PPFIA2: variants seen among roughly 807,000 people sequenced by gnomAD.
The protein encoded by PPFIA2 is PPFI scaffold protein A2.
Under a neutral mutation model 175.5 loss-of-function variants are expected in PPFIA2, and 46 were observed. The observed-to-expected ratio is 0.26, with a 90% confidence interval of 0.21 to 0.34. The LOEUF (loss-of-function observed/expected upper bound fraction) is 0.34. Ranked by LOEUF, PPFIA2 falls within the 10% of genes least tolerant of loss-of-function variation. The pLI, the probability that PPFIA2 is intolerant of heterozygous loss-of-function variation, is 1.00. For missense variants in PPFIA2, 1,179 were observed against 1,506.1 expected, an observed-to-expected ratio of 0.78 and a Z score of 3.60; for synonymous variants, 568 against 511.4, an observed-to-expected ratio of 1.11 and a Z score of -1.49.
chr12:81,292,280 CTTAAA>C (rs1388090119), intron 24 of PPFIA2: 5 of 152,046 alleles, frequency 3.3e-5, no homozygotes, highest in Non-Finnish European at 7.4e-5. Context: ...CTTCATCAGA[CTTAAA>C]TTAAATTTAC....
intron 22 of PPFIA2, 49 bp downstream of exon 22, chr12:81,325,728 T>G (rs748850395): frequency 5.3e-5 from 68 of 1,282,014 alleles, no homozygotes; most frequent in Non-Finnish European, 7.4e-5. Flanking sequence ...TAAATAATAA[T>G]AAGGAATTGA....
At chr12:81,706,040 T>C (rs940187636) in intron 3 of PPFIA2, among the ~76,000 whole-genome samples, 2 of 152,196 alleles carry the variant, frequency 1.3e-5, no homozygotes, top group African/African-American at 4.8e-5. Flanking sequence ...TATTTCAAAA[T>C]GGGACTTTTC....
At chr12:81,549,909 C>T (rs895780561) in intron 4 of PPFIA2, among the ~76,000 whole-genome samples, 20 of 151,756 alleles carry the variant, frequency 1.3e-4, no homozygotes, top group Admixed American at 5.3e-4. Context: ...CTCTATTTCC[C>T]CTCGCTTGAC....
At chr12:81,582,920 A>T (rs2074634930) in intron 4 of PPFIA2, among the ~76,000 whole-genome samples, 1 of 151,734 alleles carries the variant, frequency 6.6e-6, no homozygotes, top group South Asian at 2.1e-4. Flanking sequence ...GAGTTTTTCT[A>T]TTTTTTTGAG....
intron 5 of PPFIA2, among the ~76,000 whole-genome samples, chr12:81,448,475 A>T (rs1450848371): frequency 6.6e-6 from 1 of 152,210 alleles, no homozygotes; most frequent in Non-Finnish European, 1.5e-5. Context: ...TTCAGTTAAA[A>T]TGTGAGTTAG....
At chr12:81,338,369 T>G (rs2057456652) in intron 21 of PPFIA2, among the ~76,000 whole-genome samples, 1 of 152,128 alleles carries the variant, frequency 6.6e-6, no homozygotes, top group Admixed American at 6.6e-5. Flanking sequence ...TTCAGAAATA[T>G]CACAGATTCT....
intron 4 of PPFIA2, among the ~76,000 whole-genome samples, chr12:81,529,672 A>T (rs528221940): frequency 5.9e-5 from 9 of 152,114 alleles, no homozygotes; most frequent in Non-Finnish European, 1.2e-4. Context: ...GCCTTTAAAA[A>T]TTGTAATTTT....
intron 4 of PPFIA2, among the ~76,000 whole-genome samples, chr12:81,573,403 G>A (rs1284319621): frequency 6.6e-6 from 1 of 151,848 alleles, no homozygotes; most frequent in Non-Finnish European, 1.5e-5. Flanking sequence ...TTAGAGCTTA[G>A]ATCGCCATTC....
intron 4 of PPFIA2, among the ~76,000 whole-genome samples, chr12:81,621,469 T>G (rs558534601): frequency 1.3e-5 from 2 of 152,334 alleles, no homozygotes; most frequent in Non-Finnish European, 2.9e-5. Context: ...ATGCCATAAC[T>G]GAATAAATGA....
At chr12:81,427,455 G>A (rs780946385) in intron 7 of PPFIA2, among the ~76,000 whole-genome samples, 5 of 152,010 alleles carry the variant, frequency 3.3e-5, no homozygotes, top group Non-Finnish European at 7.4e-5. Flanking sequence ...CAAGCACACA[G>A]TAACCTCCTC....
chr12:81,287,831 G>A (rs780310353), intron 24 of PPFIA2, among the ~76,000 whole-genome samples: 2 of 151,746 alleles, frequency 1.3e-5, no homozygotes, highest in Non-Finnish European at 1.5e-5. Context: ...AAAGATATGA[G>A]TACCTTGGGA....
chr12:81,709,748 T>C (rs2077654551), intron 3 of PPFIA2, among the ~76,000 whole-genome samples: 1 of 152,214 alleles, frequency 6.6e-6, no homozygotes, highest in Admixed American at 6.5e-5. Context: ...TGAATACTTA[T>C]ATTAGCACCA....
intron 18 of PPFIA2, among the ~76,000 whole-genome samples, chr12:81,345,821 G>T (rs749240496): frequency 2.6e-5 from 4 of 152,100 alleles, no homozygotes; most frequent in African/African-American, 7.2e-5. Context: ...CAGATGAATG[G>T]TTCCTAAATT....
intron 8 of PPFIA2, among the ~76,000 whole-genome samples, chr12:81,395,287 A>G (rs2040907459): frequency 6.6e-6 from 1 of 152,110 alleles, no homozygotes; most frequent in Non-Finnish European, 1.5e-5. Flanking sequence ...GAAAAATTAA[A>G]CAATTTTATT....
In PPFIA2 at chr12:81,263,537, A is replaced by T. The variant is rs544829233; in HGVS notation, c.3556-147T>A. Reference sequence around the variant, plus strand: ...GGAATCACGCTTTATCAAGATAGTTAGTTCTATGATTCCAAAACAAGACTA... The same window carrying T: ...GGAATCACGCTTTATCAAGATAGTTTGTTCTATGATTCCAAAACAAGACTA... On this transcript the variant is annotated intron_variant, in intron 30 of 32. Coordinates refer to ENST00000549396, the MANE Select transcript of PPFIA2 (RefSeq NM_003625.5). 6.2e-5 allele frequency: 38 copies of T among 608,868 alleles called. No homozygotes were observed. In the African/African-American group the frequency reaches 6.9e-4, roughly 11 times the overall value. The allele number at this position is 608,868 out of a possible 1,614,324, so 37.7% of individuals were successfully genotyped here.
chr12:81,613,143 A>G (rs2061101172), intron 4 of PPFIA2, among the ~76,000 whole-genome samples: 2 of 152,206 alleles, frequency 1.3e-5, no homozygotes, highest in Non-Finnish European at 2.9e-5. Context: ...ATGTTTTGAA[A>G]TATATGTCAT....
chr12:81,344,797 T>A lies in PPFIA2; in HGVS notation c.2233-104A>T, dbSNP rs1056287502. 7 of 781,490 alleles carry A rather than the reference T, an allele frequency of 9.0e-6. No homozygotes were observed. The Admixed American group carries it at 2.0e-4, about 22-fold the overall frequency. The allele number at this position is 781,490 out of a possible 1,614,324, so 48.4% of individuals were successfully genotyped here. A position where few individuals can be genotyped will look rare whatever the true frequency, so the allele number is the denominator to read the frequency against. The stretch of plus-strand genomic sequence containing the variant: ...TAGTGTCTACAACTTGACTATCATT[T>A]TTTTCTTCATTTTGTTATTTTCTAA... On this transcript the variant is annotated intron_variant, in intron 18 of 32. Transcript: ENST00000549396.
chr12:81,723,229 T>A (rs1012292080), intron 3 of PPFIA2, among the ~76,000 whole-genome samples: 1 of 151,084 alleles, frequency 6.6e-6, no homozygotes, highest in East Asian at 1.9e-4. Flanking sequence ...AAATGCTAAC[T>A]AGTTCACTGC....
chr12:81,270,284 C>A (rs1306770672), intron 28 of PPFIA2, among the ~76,000 whole-genome samples: 2 of 152,068 alleles, frequency 1.3e-5, no homozygotes, highest in South Asian at 4.2e-4. Context: ...TTGTATTTCT[C>A]ATTTTTGTTC....
Sources: allele counts gnomAD v4.1 joint callset (sites outside exome capture counted in the v4.1 genomes callset), GRCh38; gene constraint gnomAD v4.1.1; transcripts MANE v1.5; gene names NCBI Gene and HGNC (gene_info 2026-07-23, HGNC 2026-07-21).